The following NRSN1 variants were observed in gnomAD, a reference collection of about 807,000 sequenced individuals.
The protein encoded by NRSN1 is neurensin 1, also known as neurensin-1.
NRSN1 carries 14 observed loss-of-function variants against 17.3 expected under a neutral mutation model. The ratio of observed to expected loss-of-function variants is 0.81; its 90% CI spans 0.54 to 1.27. The LOEUF is 1.27. Among genes scored for constraint, NRSN1 ranks in the 50% most tolerant of loss-of-function variants. NRSN1 has a pLI of 0.00. For synonymous variants in NRSN1, 79 were observed against 94.2 expected, an observed-to-expected ratio of 0.84 and a Z score of 0.93; for missense variants, 209 against 235.9, an observed-to-expected ratio of 0.89 and a Z score of 0.75.
At position 24,147,354 on chromosome 6, in the gene NRSN1, C is replaced by CA. The variant is rs1760324439; in HGVS notation, c.*1408_*1409insA. On this transcript the variant is annotated 3_prime_UTR_variant, in exon 4 of 4. Transcript: ENST00000378491. ...AATTGTGCCACCTTAGAGCCCCCCCCCTTTTTTTTTTCTTCCTTCACTGGA... is the reference window on the plus strand; with the variant it reads ...AATTGTGCCACCTTAGAGCCCCCCCCACTTTTTTTTTTCTTCCTTCACTGGA... 1 of 150,724 alleles carries CA rather than the reference C, an allele frequency of 6.6e-6. No individual in the cohort carries two copies. Among genetic ancestry groups the CA allele is most frequent in the African/African-American group, 2.4e-5 (1 of 41,284 alleles). The allele number at this position is 150,724 out of a possible 1,614,324, so 9.3% of individuals were successfully genotyped here.
intron 3 of NRSN1, among the ~76,000 whole-genome samples, chr6:24,142,725 T>G (rs1760230280): frequency 6.6e-6 from 1 of 152,152 alleles, no homozygotes. Flanking sequence ...CTCTCTGACT[T>G]CAAGAATGAG....
intron 3 of NRSN1, among the ~76,000 whole-genome samples, chr6:24,137,047 G>GT (rs1760127966): frequency 6.6e-6 from 1 of 152,178 alleles, no homozygotes; most frequent in Admixed American, 6.5e-5. Context: ...TCTTTTTCAT[G>GT]TTTTTTTCTT....
intron 3 of NRSN1, 93 bp downstream of exon 3, chr6:24,134,609 C>T (rs188584873): frequency 8.1e-6 from 8 of 982,398 alleles, no homozygotes; most frequent in South Asian, 4.6e-5. Flanking sequence ...GTTTAGTACT[C>T]GCTGTGTGTG....
chr6:24,126,747 A>G (rs2113709675), intron 1 of NRSN1, among the ~76,000 whole-genome samples: 1 of 152,276 alleles, frequency 6.6e-6, no homozygotes, highest in Non-Finnish European at 1.5e-5. Flanking sequence ...ATCAGGCTGA[A>G]TTGAGCCCCC....
chr6:24,134,227 A>T, intron 2 of NRSN1, 92 bp from the exon 3 acceptor site: 2 of 973,208 alleles, frequency 2.1e-6, no homozygotes, highest in Non-Finnish European at 3.1e-6. Context: ...AACTAGGCAT[A>T]CATTACTCAG....
chr6:24,135,409 A>T lies in NRSN1; in HGVS notation c.189+893A>T, dbSNP rs964545762. 2.0e-5 allele frequency among the ~76,000 whole-genome samples: 3 copies of T among 152,192 alleles called. 1 individual carries two copies. The highest frequency in any genetic ancestry group is 7.2e-5 in the African/African-American group (3 of 41,454). On this transcript the variant is annotated intron_variant, in intron 3 of 3. Transcript: ENST00000378491. ...TGGGAACAAGTTTGGTGTGTTTGAA[A>T]ATGATCCAGAGGTCTCCAATCTGGT...
chr6:24,144,462 G>A (rs1483486906), intron 3 of NRSN1, among the ~76,000 whole-genome samples: 1 of 152,260 alleles, frequency 6.6e-6, no homozygotes, highest in Non-Finnish European at 1.5e-5. Context: ...AGTGTGAAAA[G>A]GATGTATAAT....
chr6:24,130,496 T>C (rs937087647), intron 2 of NRSN1, among the ~76,000 whole-genome samples: 3 of 152,220 alleles, frequency 2.0e-5, no homozygotes, highest in East Asian at 1.9e-4. Flanking sequence ...TAACATGTTA[T>C]ATTTTAAAAT....
chr6:24,139,180 T>C (rs748492757), intron 3 of NRSN1, among the ~76,000 whole-genome samples: 2 of 152,210 alleles, frequency 1.3e-5, no homozygotes, highest in South Asian at 2.1e-4. Context: ...AGATTCCACA[T>C]ATAAGGAAGA....
chr6:24,138,854 C>A (rs566140327), intron 3 of NRSN1, among the ~76,000 whole-genome samples: 1 of 152,132 alleles, frequency 6.6e-6, no homozygotes, highest in African/African-American at 2.4e-5. Flanking sequence ...CTTTTTAAAT[C>A]GCAAATAAAT....
chr6:24,134,359 G>C lies in NRSN1; in HGVS notation c.32G>C (p.Arg11Thr). The change falls in exon 3 of 4, where the codon AGG becomes ACG. Residue 11 changes from arginine to threonine, a missense_variant. By Grantham distance (71) the Arg-to-Thr change is moderately conservative. Transcript: ENST00000378491. MSSCSNVCGSRQAQAAAEGGY... is the reference protein window; with the variant it reads MSSCSNVCGSTQAQAAAEGGY... ...TCTTGCAGCAACGTCTGTGGGTCCA[G>C]GCAGGCACAGGCTGCAGCTGAGGGT... 1 of 1,614,134 alleles carries C rather than the reference G, an allele frequency of 6.2e-7. No individual in the cohort carries two copies. The highest frequency in any genetic ancestry group is 1.1e-5 in the South Asian group (1 of 91,078).
chr6:24,146,773 T>G lies in NRSN1; in HGVS notation c.*827T>G, dbSNP rs1259942239. 1 of 154,386 alleles carries G rather than the reference T, an allele frequency of 6.5e-6. No homozygotes were observed. Among genetic ancestry groups the G allele is most frequent in the Non-Finnish European group, 1.4e-5 (1 of 69,628 alleles). The allele number at this position is 154,386 out of a possible 1,614,324, so 9.6% of individuals were successfully genotyped here. A position where few individuals can be genotyped will look rare whatever the true frequency, so the allele number is the denominator to read the frequency against. On this transcript the variant is annotated 3_prime_UTR_variant, in exon 4 of 4. Coordinates refer to ENST00000378491, the MANE Select transcript of NRSN1 (RefSeq NM_080723.5). ...CTTTAGAATCTTGACCAAAAAAAAT[T>G]AATTTTAGGAGCATCTATTTATGCA...
chr6:24,141,706 G>T (rs757794427), intron 3 of NRSN1, among the ~76,000 whole-genome samples: 65 of 152,204 alleles, frequency 4.3e-4, no homozygotes, highest in Non-Finnish European at 7.6e-4. Flanking sequence ...GATAGTCCAG[G>T]AGTGGATTTT....
intron 3 of NRSN1, chr6:24,140,924 C>T (rs1329899543): frequency 2.1e-5 from 27 of 1,301,634 alleles, no homozygotes; most frequent in Middle Eastern, 4.0e-4. Flanking sequence ...TTTCCAGCAG[C>T]AGGAACTGGG....
At chr6:24,138,119 C>A (rs1380818897) in intron 3 of NRSN1, among the ~76,000 whole-genome samples, 4 of 152,034 alleles carry the variant, frequency 2.6e-5, no homozygotes, top group African/African-American at 7.2e-5. Context: ...AGTGAGGGGG[C>A]AAGATAATGA....
At chr6:24,128,330 A>T (rs1759981051) in intron 2 of NRSN1, 130 bp downstream of exon 2, 1 of 152,226 alleles carries the variant, frequency 6.6e-6, no homozygotes, top group Non-Finnish European at 1.5e-5. Context: ...CTTTCTAAAA[A>T]ATGAATCTTG....
rs1330275919 is a variant in NRSN1, at chr6:24,147,020, G to A, written c.*1074G>A. ...CCCAACAGATGTTTGTGATGTTTTT[G>A]TGGCTGTCACCATGGTGGGATTCTT... is the stretch of plus-strand genomic sequence containing the variant. On this transcript the variant is annotated 3_prime_UTR_variant, in exon 4 of 4. Transcript: ENST00000378491. The A allele has an allele frequency of 6.6e-6, 1 of 152,092 alleles. No homozygotes were observed. The highest frequency in any genetic ancestry group is 2.4e-5 in the African/African-American group (1 of 41,390). 9.4% of individuals were successfully genotyped at this position (152,092 alleles called of 1,614,324 possible).
intron 1 of NRSN1, among the ~76,000 whole-genome samples, chr6:24,126,765 C>G (rs1759955557): frequency 6.6e-6 from 1 of 152,180 alleles, no homozygotes; most frequent in Non-Finnish European, 1.5e-5. Context: ...CCCACTGGCC[C>G]TCCCCACTCC....
intron 3 of NRSN1, chr6:24,141,080 G>A: frequency 7.0e-7 from 1 of 1,422,672 alleles, no homozygotes. Context: ...TAAGGCCCCA[G>A]GTTGCTCTGC....
Sources: allele counts gnomAD v4.1 joint callset (sites outside exome capture counted in the v4.1 genomes callset), GRCh38; gene constraint gnomAD v4.1.1; transcripts MANE v1.5; gene names NCBI Gene and HGNC (gene_info 2026-07-23, HGNC 2026-07-21).